The following TRIM11 variants were observed in gnomAD, a reference collection of about 807,000 sequenced individuals.
TRIM11 encodes the protein E3 ubiquitin-protein ligase TRIM11.
In TRIM11, 15 loss-of-function variants were observed where a neutral mutation model predicts 33.4. That is an observed-to-expected ratio of 0.45 (90% CI 0.30 to 0.69). The LOEUF (loss-of-function observed/expected upper bound fraction) is 0.69, where lower values mean the gene tolerates loss of function less well. Among genes scored for constraint, TRIM11 ranks in the 30% least tolerant of loss-of-function variants. The pLI, the probability that TRIM11 is intolerant of heterozygous loss-of-function variation, is 0.08. For synonymous variants in TRIM11, 281 were observed against 302.6 expected (o/e 0.93, Z 0.74); for missense variants, 499 against 667.6 (o/e 0.75, Z 2.78).
chr1:228,400,303 C>T lies in TRIM11; in HGVS notation c.735+661G>A, dbSNP rs1056192876. Among the ~76,000 whole-genome samples the T allele has an allele frequency of 5.3e-5, 8 of 152,250 alleles. No individual in the cohort carries two copies. Among genetic ancestry groups the T allele is most frequent in the Non-Finnish European group, 1.2e-4 (8 of 68,046 alleles). On this transcript the variant is annotated intron_variant, in intron 3 of 5. Transcript: ENST00000284551. This position sits in a 1 kb window ranked among gnomAD's most constrained non-coding sequence, Gnocchi z 4.5. ...ACGGGGCCTCTCAGCATGGGAGTGC[C>T]GTCAGTCCTCATCAGTGCACGCTTG...
chr1:228,394,994 G>A lies in TRIM11; in HGVS notation c.1118C>T (p.Ala373Val), dbSNP rs367848124. The A allele has an allele frequency of 4.3e-6, 7 of 1,614,008 alleles. No homozygotes were observed. The highest frequency in any genetic ancestry group is 2.7e-5 in the African/African-American group (2 of 74,898). Reference protein sequence around the residue: ...VNRKEKGELSAGNGFWILVFL... With the variant: ...VNRKEKGELSVGNGFWILVFL... Reference sequence around the variant, plus strand: ...GACCAGGATCCAGAAGCCGTTGCCCGCGGACAGCTCGCCCTTCTCCTTCCT... The same window carrying A: ...GACCAGGATCCAGAAGCCGTTGCCCACGGACAGCTCGCCCTTCTCCTTCCT... The change falls in exon 6 of 6, where the codon GCG (alanine) becomes GTG (valine). Residue 373 changes from alanine to valine, a missense_variant. Ala to Val is a moderately conservative substitution (Grantham distance 64). Coordinates refer to ENST00000284551, the MANE Select transcript of TRIM11 (RefSeq NM_145214.3). The surrounding 1 kb of genome is among the most constrained non-coding windows in gnomAD (Gnocchi z 6.2).
Position 228,401,834 on chromosome 1 carries a change from C to A in TRIM11, c.504+232G>T, listed in dbSNP as rs1234248427. Among the ~76,000 whole-genome samples, 1 of 152,266 alleles carries A rather than the reference C, an allele frequency of 6.6e-6. No homozygotes were observed. Among genetic ancestry groups the A allele is most frequent in the South Asian group, 2.1e-4 (1 of 4,822 alleles). ...AGTTGCCACCCAAGCATGCTGGGAC[C>A]CCAGGATGGGGCCCTTGCAGTATGG... On this transcript the variant is annotated intron_variant, in intron 2 of 5. Coordinates refer to ENST00000284551, the MANE Select transcript of TRIM11 (RefSeq NM_145214.3). This position sits in a 1 kb window ranked among gnomAD's most constrained non-coding sequence, Gnocchi z 6.1.
rs1219339781 is a variant in TRIM11 at position 228,401,947 on chromosome 1, G to A, written c.504+119C>T. On this transcript the variant is annotated intron_variant, in intron 2 of 5. Transcript: ENST00000284551. This position sits in a 1 kb window ranked among gnomAD's most constrained non-coding sequence, Gnocchi z 6.1. The stretch of plus-strand genomic sequence containing the variant: ...CTCGGTGGGGCCAGGCTGAAGCAGT[G>A]ACTGGTCCTGGGGCGCCAAGGGCAA... 2 of 665,686 alleles carry A rather than the reference G, an allele frequency of 3.0e-6. No individual in the cohort carries two copies. Among genetic ancestry groups the A allele is most frequent in the Non-Finnish European group, 4.7e-6 (2 of 423,596 alleles). 41.2% of individuals were successfully genotyped at this position (665,686 alleles called of 1,614,324 possible).
At position 228,401,198 on chromosome 1, in the gene TRIM11, T is replaced by C; in HGVS notation, c.505-4A>G. ...GCCGCTGGCTCTCCACCATCTTCTGTGGAGCCCAGGGAGAAGGACAGCTGA... is the reference window on the plus strand; with the variant it reads ...GCCGCTGGCTCTCCACCATCTTCTGCGGAGCCCAGGGAGAAGGACAGCTGA... On this transcript the variant is annotated splice_region_variant and splice_polypyrimidine_tract_variant and intron_variant, in intron 2 of 5. Coordinates refer to ENST00000284551, the MANE Select transcript of TRIM11 (RefSeq NM_145214.3). The surrounding 1 kb of genome is among the most constrained non-coding windows in gnomAD (Gnocchi z 6.1). The C allele has an allele frequency of 6.2e-7, 1 of 1,611,968 alleles. No individual in the cohort carries two copies. The highest frequency in any genetic ancestry group is 8.5e-7 in the Non-Finnish European group (1 of 1,179,026).
In TRIM11 at chr1:228,402,059, C is replaced by G. The variant is rs759000642; in HGVS notation, c.504+7G>C. On this transcript the variant is annotated splice_region_variant and intron_variant, in intron 2 of 5. Transcript: ENST00000284551. ...CCACCCAGGACCCTGGGAGCCCCAGCACCTGCCTGCCACAAGACGCAGGTC... is the reference window on the plus strand; with the variant it reads ...CCACCCAGGACCCTGGGAGCCCCAGGACCTGCCTGCCACAAGACGCAGGTC... 1.2e-6 allele frequency: 2 copies of G among 1,609,816 alleles called. No individual in the cohort carries two copies. Among genetic ancestry groups the G allele is most frequent in the Non-Finnish European group, 1.7e-6 (2 of 1,177,756 alleles).
Position 228,401,656 on chromosome 1 carries a change from TC to T in TRIM11, c.504+409del, listed in dbSNP as rs1241211330. On this transcript the variant is annotated intron_variant, in intron 2 of 5. Transcript: ENST00000284551. This position sits in a 1 kb window ranked among gnomAD's most constrained non-coding sequence, Gnocchi z 6.1. ...CCCCTGGGGCTTCCCAGATCCCAAATCCACCACCCAGAGCCTCCCAGACCCC... is the reference window on the plus strand; with the variant it reads ...CCCCTGGGGCTTCCCAGATCCCAAATCACCACCCAGAGCCTCCCAGACCCC... Among the ~76,000 whole-genome samples, 6 of 151,542 alleles carry T rather than the reference TC, an allele frequency of 4.0e-5. No individual in the cohort carries two copies. The highest frequency in any genetic ancestry group is 6.6e-5 in the Admixed American group (1 of 15,242).
rs2074976495 is a variant in TRIM11 at position 228,395,468 on chromosome 1, CA to C, written c.860-217del. ...TCCAGTTGCAACTTACAATGTCCTA[CA>C]AATTGGTCCATGTTTTGCCTTCAGA... On this transcript the variant is annotated intron_variant, in intron 5 of 5. Transcript: ENST00000284551. The surrounding 1 kb of genome is among the most constrained non-coding windows in gnomAD (Gnocchi z 4.8). 2.4e-6 allele frequency: 1 copy of C among 409,140 alleles called. No individual in the cohort carries two copies. Among genetic ancestry groups the C allele is most frequent in the South Asian group, 1.2e-4 (1 of 8,422 alleles). 25.3% of individuals were successfully genotyped at this position (409,140 alleles called of 1,614,324 possible).
Position 228,400,632 on chromosome 1 carries a change from T to C in TRIM11, c.735+332A>G, listed in dbSNP as rs1282752423. On this transcript the variant is annotated intron_variant, in intron 3 of 5. Coordinates refer to ENST00000284551, the MANE Select transcript of TRIM11 (RefSeq NM_145214.3). This position sits in a 1 kb window ranked among gnomAD's most constrained non-coding sequence, Gnocchi z 4.5. Reference sequence around the variant, plus strand: ...GCCCAAGGTGGTCCCAGCGAGCACATGCCCACTCTGCTGTGCCCACAGGGA... The same window carrying C: ...GCCCAAGGTGGTCCCAGCGAGCACACGCCCACTCTGCTGTGCCCACAGGGA... Among the ~76,000 whole-genome samples the C allele has an allele frequency of 6.6e-6, 1 of 152,170 alleles. No individual in the cohort carries two copies. Among genetic ancestry groups the C allele is most frequent in the Non-Finnish European group, 1.5e-5 (1 of 68,014 alleles).
intron 5 of TRIM11, 126 bp downstream of exon 5, chr1:228,396,821 C>A: frequency 1.1e-6 from 1 of 886,584 alleles, no homozygotes; most frequent in Non-Finnish European, 1.9e-6. Context: ...TTCCCAACAA[C>A]CCACCACCAT....
intron 3 of TRIM11, among the ~76,000 whole-genome samples, chr1:228,398,897 G>A (rs542557415): frequency 5.9e-5 from 9 of 152,176 alleles, no homozygotes; most frequent in South Asian, 2.1e-4. Flanking sequence ...GGGGGTAGAG[G>A]AGAACCTTGG....
At position 228,395,058 on chromosome 1, in the gene TRIM11, T is replaced by C; in HGVS notation, c.1054A>G (p.Thr352Ala). 1.9e-5 allele frequency: 31 copies of C among 1,611,874 alleles called. No homozygotes were observed. The highest frequency in any genetic ancestry group is 2.6e-5 in the Non-Finnish European group (31 of 1,178,896). ...HYWEVEVGDR[T>A]SWALGVCREN... ...CTGCACACCCCCAGGGCCCAGCTGG[T>C]GCGGTCCCCAACCTCCACCTCCCAG... Residue 352 changes from threonine (T) to alanine (A), a missense_variant, in exon 6 of 6, where the codon ACC (threonine) becomes GCC (alanine). Transcript: ENST00000284551. This position sits in a 1 kb window ranked among gnomAD's most constrained non-coding sequence, Gnocchi z 4.8.
rs779404237 is a variant in TRIM11, at chr1:228,395,168, C to T, written c.944G>A (p.Arg315Gln). ...DRRSVQRGDL[R>Q]QALPDSPERF... ...CTCTGGGCTGTCCGGCAGGGCCTGC[C>T]GTAGGTCCCCCCGCTGCACGCTCCG... is the stretch of plus-strand genomic sequence containing the variant. Residue 315 changes from arginine to glutamine, a missense_variant, in exon 6 of 6, where the codon CGG becomes CAG. Coordinates refer to ENST00000284551, the MANE Select transcript of TRIM11 (RefSeq NM_145214.3). The surrounding 1 kb of genome is among the most constrained non-coding windows in gnomAD (Gnocchi z 4.8). The T allele has an allele frequency of 8.5e-6, 13 of 1,524,724 alleles. No individual in the cohort carries two copies. The highest frequency in any genetic ancestry group is 4.3e-5 in the Admixed American group (2 of 46,824). 94.4% of individuals were successfully genotyped at this position (1,524,724 alleles called of 1,614,324 possible).
intron 3 of TRIM11, among the ~76,000 whole-genome samples, chr1:228,397,853 A>AG (rs1277412553): frequency 6.6e-6 from 1 of 152,214 alleles, no homozygotes; most frequent in African/African-American, 2.4e-5. Flanking sequence ...TCTCATAAGA[A>AG]GGGGCGACTA....
Position 228,406,298 on chromosome 1 carries a change from C to T in TRIM11, c.264G>A (p.Pro88=). The T allele has an allele frequency of 6.8e-7, 1 of 1,476,924 alleles. No individual in the cohort carries two copies. Among genetic ancestry groups the T allele is most frequent in the South Asian group, 1.3e-5 (1 of 77,234 alleles). 91.5% of individuals were successfully genotyped at this position (1,476,924 alleles called of 1,614,324 possible). ...CGCGGTGCGCGGGGCACACGCCCTG[C>T]GGGACCGGCGACGGCGGGTGCAGGC... ...ARRLHPPSPV[P]QGVCPAHREP... is the part of the protein sequence containing the mutation. The change falls in exon 1 of 6, where the codon CCG becomes CCA. Residue 88 remains proline (P), a synonymous_variant. Transcript: ENST00000284551. The surrounding 1 kb of genome is among the most constrained non-coding windows in gnomAD (Gnocchi z 8.2).
In TRIM11 at chr1:228,394,921, G is replaced by A; in HGVS notation, c.1191C>T (p.Leu397=). 6.2e-7 allele frequency: 1 copy of A among 1,614,168 alleles called. No individual in the cohort carries two copies. The highest frequency in any genetic ancestry group is 1.3e-5 in the African/African-American group (1 of 75,038). ...TCCCCACGCGCCTGGGTGGGTCCCG[G>A]AGTGGAGCCAAGGCCCGTTCCGAGG... ...YNSSERALAP[L]RDPPRRVGIF... Residue 397 remains leucine (L), a synonymous_variant, in exon 6 of 6, where the codon CTC becomes CTT. Transcript: ENST00000284551. This position sits in a 1 kb window ranked among gnomAD's most constrained non-coding sequence, Gnocchi z 6.2.
At chr1:228,397,113 C>T (rs957291869) in intron 4 of TRIM11, 30 bp downstream of exon 4, 6 of 1,613,428 alleles carry the variant, frequency 3.7e-6, no homozygotes, top group Non-Finnish European at 4.2e-6. Flanking sequence ...CTCCCTCCTG[C>T]CCCCCCTCCA....
chr1:228,398,771 G>A (rs954435621), intron 3 of TRIM11, among the ~76,000 whole-genome samples: 2 of 152,010 alleles, frequency 1.3e-5, no homozygotes, highest in Admixed American at 6.5e-5. Flanking sequence ...CAAGGCAGCT[G>A]GGAGCAGCTC....
chr1:228,404,215 GAC>G (rs1200397844), intron 1 of TRIM11: 6 of 152,356 alleles, frequency 3.9e-5, no homozygotes, highest in Non-Finnish European at 8.8e-5. Flanking sequence ...AGTGCCATCT[GAC>G]ACACAACCCA....
Position 228,406,410 on chromosome 1 carries a change from T to A in TRIM11, c.152A>T (p.Tyr51Phe). 1 of 1,574,192 alleles carries A rather than the reference T, an allele frequency of 6.4e-7. No individual in the cohort carries two copies. The highest frequency in any genetic ancestry group is 1.1e-5 in the South Asian group (1 of 87,496). ...CAGCTCGCGGCACTCGGGGCACGCG[T>A]ACGGGCCCTCGGGCTGGCCCCAGCA... ...RRCWGQPEGP[Y>F]ACPECRELSP... The change falls in exon 1 of 6, where the codon TAC becomes TTC. Residue 51 changes from tyrosine to phenylalanine, a missense_variant. Tyr to Phe is a conservative substitution (Grantham distance 22). Transcript: ENST00000284551. This position sits in a 1 kb window ranked among gnomAD's most constrained non-coding sequence, Gnocchi z 8.2.
Sources: allele counts gnomAD v4.1 joint callset (sites outside exome capture counted in the v4.1 genomes callset), GRCh38; gene constraint gnomAD v4.1.1; non-coding constraint Gnocchi (gnomAD v3.1); transcripts MANE v1.5; gene names NCBI Gene and HGNC (gene_info 2026-07-23, HGNC 2026-07-21).